Variants in AMMECR1 observed in about 807,000 individuals in gnomAD.
The protein encoded by AMMECR1 is AMMECR nuclear protein 1.
Under a neutral mutation model 22.5 loss-of-function variants are expected in AMMECR1, and 3 were observed. That is an observed-to-expected ratio of 0.13 (90% CI 0.06 to 0.35). The LOEUF is 0.35. Ranked by LOEUF, AMMECR1 falls within the 10% of genes least tolerant of loss-of-function variation. The pLI is 1.00. For synonymous variants in AMMECR1, 130 were observed against 116.7 expected, an observed-to-expected ratio of 1.11 and a Z score of -0.74; for missense variants, 235 against 278.7, an observed-to-expected ratio of 0.84 and a Z score of 1.12.
At chrX:110,312,055 C>T (rs988207376) in intron 1 of AMMECR1, among the ~76,000 whole-genome samples, 1 of 111,896 alleles carries the variant, frequency 8.9e-6, no homozygotes, top group East Asian at 2.8e-4. Flanking sequence ...ATGTAAAAGC[C>T]CTGGTCATTG....
At chrX:110,413,920 C>T (rs181313305) in intron 2 of AMMECR1, among the ~76,000 whole-genome samples, 5 of 111,933 alleles carry the variant, frequency 4.5e-5, no homozygotes, top group African/African-American at 1.6e-4. Context: ...GTTATCCTCA[C>T]AATAACTTTA....
At chrX:110,225,094 TAAA>T (rs779218909) in intron 2 of AMMECR1, 10 of 363,465 alleles carry the variant, frequency 2.8e-5, no homozygotes, top group East Asian at 2.3e-4. Flanking sequence ...TTCTTATCAC[TAAA>T]AAAAGTTTGA....
chrX:110,311,266 T>C (rs1163176343), intron 1 of AMMECR1, among the ~76,000 whole-genome samples: 2 of 112,066 alleles, frequency 1.8e-5, no homozygotes, highest in African/African-American at 6.5e-5. Context: ...TTCCAGTTAT[T>C]CCCTCCCTAT....
At chrX:110,297,593 C>T (rs886626351) in intron 1 of AMMECR1, among the ~76,000 whole-genome samples, 1 of 110,356 alleles carries the variant, frequency 9.1e-6, no homozygotes, top group Non-Finnish European at 1.9e-5. Flanking sequence ...TTTTTTTAAC[C>T]GAAAATCAGC....
intron 2 of AMMECR1, among the ~76,000 whole-genome samples, chrX:110,257,503 T>C (rs770400615): frequency 1.2e-4 from 13 of 111,918 alleles, no homozygotes; most frequent in Non-Finnish European, 2.3e-4. Context: ...TTAAAATATG[T>C]ATTACAAATT....
rs1349966878 is a variant in AMMECR1 at position 110,317,806 on chromosome X, G to C, written c.266C>G (p.Pro89Arg). The C allele has an allele frequency of 4.3e-6, 5 of 1,163,022 alleles. No individual in the cohort carries two copies. The highest frequency in any genetic ancestry group is 4.6e-6 in the Non-Finnish European group (4 of 871,345). The change falls in exon 1 of 6, where the codon CCG (proline) becomes CGG (arginine). Residue 89 changes from proline to arginine, a missense_variant. This residue lies in a region of AMMECR1 where 124 missense variants were observed against 97.0 expected (regional missense o/e 1.28). Transcript: ENST00000262844. ...AAGTAGGGTCCCCACTCCGCAGCTCGGAGGTGGCGACAGGGCGATCCCCCC... is the reference window on the plus strand; with the variant it reads ...AAGTAGGGTCCCCACTCCGCAGCTCCGAGGTGGCGACAGGGCGATCCCCCC... The part of the protein sequence containing the change: ...GGGGIALSPP[P>R]SCGVGTLLST...
chrX:110,323,367 A>T (rs1194854721), intron 2 of AMMECR1, among the ~76,000 whole-genome samples: 2 of 112,061 alleles, frequency 1.8e-5, no homozygotes, highest in Non-Finnish European at 3.8e-5. Flanking sequence ...CATCACCCCA[A>T]AAAAGATACC....
chrX:110,368,909 C>T lies in AMMECR1; in HGVS notation c.-147-51060G>A, dbSNP rs149373776. ...GATATCCTTCATCATCTGCAGCAATCCCCCACCCAGTGCCAAACTCTGTGA... is the reference window on the plus strand; with the variant it reads ...GATATCCTTCATCATCTGCAGCAATTCCCCACCCAGTGCCAAACTCTGTGA... On this transcript the variant is annotated intron_variant, in intron 2 of 7. Coordinates refer to the AMMECR1 transcript ENST00000372057. Among the ~76,000 whole-genome samples the T allele has an allele frequency of 9.5e-3, 1,063 of 111,959 alleles. 3 individuals are homozygous for T. The highest frequency in any genetic ancestry group is 0.013 in the Non-Finnish European group (698 of 53,170).
intron 2 of AMMECR1, among the ~76,000 whole-genome samples, chrX:110,223,071 G>A (rs1325579808): frequency 8.9e-6 from 1 of 111,768 alleles, no homozygotes; most frequent in Non-Finnish European, 1.9e-5. Context: ...CTGCCTCCTA[G>A]GCCACAAATT....
intron 2 of AMMECR1, among the ~76,000 whole-genome samples, chrX:110,346,513 A>G (rs1005000966): frequency 3.6e-5 from 4 of 112,465 alleles, no homozygotes; most frequent in African/African-American, 3.2e-5. Flanking sequence ...ATATAAAACA[A>G]TTACCCTTGT....
At chrX:110,210,509 T>A (rs930408946) in intron 3 of AMMECR1, among the ~76,000 whole-genome samples, 2 of 111,749 alleles carry the variant, frequency 1.8e-5, no homozygotes, top group African/African-American at 6.5e-5. Flanking sequence ...TCATGAGTCA[T>A]GCTTACCATC....
At chrX:110,291,765 T>C (rs1467781736) in intron 1 of AMMECR1, among the ~76,000 whole-genome samples, 3 of 112,155 alleles carry the variant, frequency 2.7e-5, no homozygotes, top group Non-Finnish European at 3.8e-5. Context: ...ATCTAGGTTA[T>C]ATTCTAGTTT....
intron 2 of AMMECR1, among the ~76,000 whole-genome samples, chrX:110,421,442 C>T (rs1447320307): frequency 8.9e-6 from 1 of 112,450 alleles, no homozygotes; most frequent in African/African-American, 3.2e-5. Flanking sequence ...AGATAAGTCA[C>T]GGGTCAGAGT....
At chrX:110,224,852 T>G (rs922591516) in intron 2 of AMMECR1, 1 of 270,100 alleles carries the variant, frequency 3.7e-6, no homozygotes, top group African/African-American at 2.9e-5. Flanking sequence ...AAATGATTTC[T>G]AAGCAGCAGA....
At chrX:110,363,322 C>T (rs1461440162) in intron 2 of AMMECR1, among the ~76,000 whole-genome samples, 3 of 112,001 alleles carry the variant, frequency 2.7e-5, no homozygotes, top group African/African-American at 9.7e-5. Context: ...GCCACCAACT[C>T]TAGAATTAAG....
chrX:110,205,951 A>G (rs1176975948), intron 3 of AMMECR1, among the ~76,000 whole-genome samples: 2 of 112,404 alleles, frequency 1.8e-5, no homozygotes, highest in African/African-American at 6.5e-5. Context: ...GAACCATTCC[A>G]TAGCAAGTGA....
chrX:110,244,099 T>C (rs973793541), intron 2 of AMMECR1, among the ~76,000 whole-genome samples: 6 of 111,781 alleles, frequency 5.4e-5, no homozygotes, highest in African/African-American at 2.0e-4. Context: ...TTTGAAGCCA[T>C]CTTCAACTCT....
chrX:110,216,529 A>T lies in AMMECR1; in HGVS notation c.688T>A (p.Leu230Met), dbSNP rs755301493. The T allele has an allele frequency of 5.7e-5, 69 of 1,201,328 alleles. No individual in the cohort carries two copies. The highest frequency in any genetic ancestry group is 7.4e-5 in the Non-Finnish European group (66 of 888,230). The stretch of plus-strand genomic sequence containing the variant: ...TTCTATAATCTTACCTCCCAGTCCA[A>T]ATAATCACAGACATCTTCAAAGTTA... The part of the protein sequence containing the change: ...LTNFEDVCDY[L>M]DWEVGVHGIR... The change falls in exon 3 of 6, where the codon TTG becomes ATG. Residue 230 changes from leucine (L) to methionine (M), a missense_variant. Around this residue, in one of 2 missense-constraint regions of AMMECR1, gnomAD observed 111 missense variants for 181.7 expected, o/e 0.61. Transcript: ENST00000262844.
intron 2 of AMMECR1, among the ~76,000 whole-genome samples, chrX:110,399,462 C>A (rs914815283): frequency 4.5e-5 from 5 of 112,268 alleles, no homozygotes; most frequent in Non-Finnish European, 9.4e-5. Flanking sequence ...GGTCCCACTG[C>A]TTTGATTAAG....
Sources: allele counts gnomAD v4.1 joint callset (sites outside exome capture counted in the v4.1 genomes callset), GRCh38; gene constraint gnomAD v4.1.1; regional missense constraint gnomAD v4.1.1; transcripts MANE v1.5; gene names NCBI Gene and HGNC (gene_info 2026-07-23, HGNC 2026-07-21).